ARLN: variants seen among roughly 807,000 people sequenced by gnomAD.
ARLN encodes sarcoplasmic/endoplasmic reticulum calcium ATPase regulator ARLN.
At chr4:119,300,771 A>G in the ARLN span, 1 of 1,470,796 alleles carries the variant, frequency 6.8e-7, no homozygotes, top group African/African-American at 1.4e-5. Context: ...ACACTAAGTC[A>G]ATGGGCCCGC....
the ARLN span, among the ~76,000 whole-genome samples, chr4:119,301,319 G>C: frequency 6.6e-6 from 1 of 151,758 alleles, no homozygotes; most frequent in Non-Finnish European, 1.5e-5. Context: ...AGTTACTCGG[G>C]AGGCTGAGGC....
chr4:119,300,636 T>C, the ARLN span: 3 of 1,582,046 alleles, frequency 1.9e-6, no homozygotes, highest in Non-Finnish European at 1.7e-6. Context: ...TCCGGCCGCC[T>C]GCGCAGTGCG....
the ARLN span, chr4:119,300,730 A>C: frequency 6.6e-7 from 1 of 1,517,534 alleles, no homozygotes; most frequent in Non-Finnish European, 8.8e-7. Flanking sequence ...TGCCTCCGTG[A>C]CCGCTGGCAT....
the ARLN span, among the ~76,000 whole-genome samples, chr4:119,301,779 T>TA: frequency 3.3e-5 from 5 of 152,280 alleles, no homozygotes; most frequent in African/African-American, 1.2e-4. Flanking sequence ...CTAAGGTTAC[T>TA]AAAAAAATTA....
the ARLN span, chr4:119,298,107 C>T: frequency 1.4e-4 from 21 of 152,094 alleles, no homozygotes; most frequent in African/African-American, 3.6e-4. Context: ...CATAATCCTT[C>T]GTTATAGGAG....
At chr4:119,298,693 T>G in the ARLN span, 1 of 728,344 alleles carries the variant, frequency 1.4e-6, no homozygotes, top group Admixed American at 2.0e-5. Flanking sequence ...CTATTGAGAG[T>G]CCTGTCTTCT....
the ARLN span, among the ~76,000 whole-genome samples, chr4:119,299,739 G>A: frequency 6.6e-6 from 1 of 152,178 alleles, no homozygotes; most frequent in African/African-American, 2.4e-5. Flanking sequence ...AAGTGTCTCA[G>A]GTTTCTGGGA....
chr4:119,301,020 C>A, the ARLN span: 1 of 441,948 alleles, frequency 2.3e-6, no homozygotes, highest in South Asian at 4.8e-5. Flanking sequence ...AATATTTAAA[C>A]ACCACCAATG....
the ARLN span, chr4:119,300,192 C>T: frequency 1.4e-6 from 1 of 693,206 alleles, no homozygotes; most frequent in Non-Finnish European, 2.5e-6. Context: ...GTCCTTCTCC[C>T]CCACCCACCC....
the ARLN span, chr4:119,297,237 A>G: frequency 1.3e-5 from 2 of 152,200 alleles, no homozygotes; most frequent in Non-Finnish European, 2.9e-5. Context: ...TGCTAACTTT[A>G]TAGTCAGCAA....
chr4:119,302,653 A>G, the ARLN span, among the ~76,000 whole-genome samples: 1 of 152,218 alleles, frequency 6.6e-6, no homozygotes, highest in Admixed American at 6.5e-5. Flanking sequence ...TGAACTTTCT[A>G]CTTCACATGT....
chr4:119,300,812 TA>T, the ARLN span: 4 of 1,439,688 alleles, frequency 2.8e-6, no homozygotes, highest in Non-Finnish European at 3.6e-6. Context: ...CCCAGGCAGA[TA>T]GCTGGTTATT....
At chr4:119,300,368 C>T in the ARLN span, 1 of 1,612,844 alleles carries the variant, frequency 6.2e-7, no homozygotes, top group Non-Finnish European at 8.5e-7. Context: ...GAAACACCAC[C>T]ACATCGAAAA....
the ARLN span, chr4:119,300,437 C>A: frequency 6.2e-7 from 1 of 1,614,132 alleles, no homozygotes; most frequent in Non-Finnish European, 8.5e-7. Context: ...TTGCCCCAGA[C>A]TGAGGCCTCA....
chr4:119,300,535 TCTCGCTCCTGCA>T, the ARLN span: 1 of 1,614,112 alleles, frequency 6.2e-7, no homozygotes, highest in Non-Finnish European at 8.5e-7. Flanking sequence ...TCCACCTCCA[TCTCGCTCCTGCA>T]GCTTCGTAAC....
the ARLN span, chr4:119,300,558 A>C: frequency 6.2e-7 from 1 of 1,614,064 alleles, no homozygotes; most frequent in Admixed American, 1.7e-5. Context: ...GCTTCGTAAC[A>C]ACCCTAGAAA....
chr4:119,301,419 T>TC, the ARLN span, among the ~76,000 whole-genome samples: 1 of 151,708 alleles, frequency 6.6e-6, no homozygotes, highest in South Asian at 2.1e-4. Flanking sequence ...AGAGCGAGAC[T>TC]CCATCTGGGG....
the ARLN span, chr4:119,298,048 G>A: frequency 6.6e-6 from 1 of 152,024 alleles, no homozygotes; most frequent in African/African-American, 2.4e-5. Context: ...AAATATTTTG[G>A]GCACAAGCAC....
At chr4:119,300,831 C>T in the ARLN span, 1 of 1,435,172 alleles carries the variant, frequency 7.0e-7, no homozygotes, top group Non-Finnish European at 9.1e-7. Context: ...ATTCAGGTTT[C>T]GTTGGAAGAA....
Sources: gnomAD v4.1 joint callset for allele counts (sites outside exome capture counted in the v4.1 genomes callset) on GRCh38, gnomAD v4.1.1 for gene constraint, MANE v1.5 for transcripts, NCBI Gene and HGNC (gene_info 2026-07-23, HGNC 2026-07-21) for gene names.